Variants in ZSCAN30 observed in about 807,000 individuals in gnomAD.
The protein encoded by ZSCAN30 is zinc finger and SCAN domain containing 30, also known as zinc finger and SCAN domain-containing protein 30.
A neutral mutation model predicts 44.3 loss-of-function variants in ZSCAN30; 37 were observed. That is an observed-to-expected ratio of 0.84 (90% confidence interval 0.64 to 1.10). The LOEUF (loss-of-function observed/expected upper bound fraction) is 1.10, where lower values mean the gene tolerates loss of function less well. Among genes scored for constraint, ZSCAN30 ranks in the 50% least tolerant of loss-of-function variants. ZSCAN30 has a pLI of 0.00. For synonymous variants in ZSCAN30, 181 were observed against 204.6 expected, an observed-to-expected ratio of 0.88 and a Z score of 0.98; for missense variants, 549 against 582.6, an observed-to-expected ratio of 0.94 and a Z score of 0.59.
intron 1 of ZSCAN30, among the ~76,000 whole-genome samples, chr18:35,278,868 C>G (rs1418757831): frequency 6.6e-6 from 1 of 152,210 alleles, no homozygotes; most frequent in African/African-American, 2.4e-5. Flanking sequence ...TGCTTGTTCT[C>G]TAGTTTCTAA....
chr18:35,258,807 T>C (rs1014751366), intron 3 of ZSCAN30: 2 of 134,916 alleles, frequency 1.5e-5, no homozygotes, highest in African/African-American at 5.7e-5. Flanking sequence ...GAGTTGGAGG[T>C]TGTAGTGAGC....
rs893204370 is a variant in ZSCAN30 at position 35,254,580 on chromosome 18, G to A, written c.554-199C>T. The stretch of plus-strand genomic sequence containing the variant: ...CCCCTTGGAGAGTAAGGTAGACAAA[G>A]AAATGAATTAGTATTGGAGAAGAGG... On this transcript the variant is annotated intron_variant, in intron 3 of 3. Coordinates refer to ENST00000333206, the MANE Select transcript of ZSCAN30 (RefSeq NM_001112734.4). 3 of 870,378 alleles carry A rather than the reference G, an allele frequency of 3.4e-6. No homozygotes were observed. The African/African-American group carries it at 5.1e-5, about 15-fold the overall frequency. The allele number at this position is 870,378 out of a possible 1,614,324, so 53.9% of individuals were successfully genotyped here.
intron 1 of ZSCAN30, among the ~76,000 whole-genome samples, chr18:35,273,418 A>G (rs1019305729): frequency 6.6e-6 from 1 of 152,236 alleles, no homozygotes; most frequent in Non-Finnish European, 1.5e-5. Context: ...ACATGTATAC[A>G]CCACATTTTA....
chr18:35,288,793 A>G (rs1224377476), intron 1 of ZSCAN30, among the ~76,000 whole-genome samples: 1 of 152,228 alleles, frequency 6.6e-6, no homozygotes, highest in East Asian at 1.9e-4. Flanking sequence ...GCATTGGGAG[A>G]GAGGCTTACC....
chr18:35,273,983 C>T (rs2143747419), intron 1 of ZSCAN30, among the ~76,000 whole-genome samples: 1 of 152,304 alleles, frequency 6.6e-6, no homozygotes, highest in South Asian at 2.1e-4. Context: ...CAGGAATTTT[C>T]ATGAAAAGTT....
intron 3 of ZSCAN30, chr18:35,255,698 C>A (rs898059496): frequency 3.9e-5 from 6 of 154,346 alleles, no homozygotes; most frequent in African/African-American, 1.4e-4. Context: ...TAAAGCACCA[C>A]AATTGATACC....
chr18:35,263,180 G>T (rs2044063047), intron 3 of ZSCAN30: 1 of 375,290 alleles, frequency 2.7e-6, no homozygotes. Context: ...GTTCAAGGCT[G>T]CTGCAGTGAG....
rs763922197 is a variant in ZSCAN30 at position 35,263,551 on chromosome 18, T to C, written c.515A>G (p.Lys172Arg). 8 of 1,614,096 alleles carry C rather than the reference T, an allele frequency of 5.0e-6. No homozygotes were observed. The highest frequency in any genetic ancestry group is 6.8e-6 in the Non-Finnish European group (8 of 1,180,046). ...AGCCTGGGACTCCTGAGTCTCAGTC[T>C]TGCACTGGTTCTCTAAGGGCTGCAC... ...SPVQPLENQCKTETQESQAFQ... is the reference protein window; with the variant it reads ...SPVQPLENQCRTETQESQAFQ... The change falls in exon 3 of 4, where the codon AAG (lysine) becomes AGG (arginine). Residue 172 changes from lysine (K) to arginine (R), a missense_variant. Physicochemically the swap from Lys to Arg is conservative, Grantham distance 26. Coordinates refer to ENST00000333206, the MANE Select transcript of ZSCAN30 (RefSeq NM_001112734.4).
intron 1 of ZSCAN30, chr18:35,281,156 G>C (rs1359976122): frequency 6.6e-6 from 1 of 152,200 alleles, no homozygotes; most frequent in Non-Finnish European, 1.5e-5. Context: ...CAAGTGAAAT[G>C]AGAAATAGAA....
intron 3 of ZSCAN30, chr18:35,257,405 G>A (rs924366196): frequency 6.5e-6 from 1 of 153,164 alleles, no homozygotes; most frequent in African/African-American, 2.4e-5. Flanking sequence ...CCAAGGTGAT[G>A]GTATTAGGAA....
At chr18:35,267,526 T>C (rs961709467) in intron 1 of ZSCAN30, 1 of 151,886 alleles carries the variant, frequency 6.6e-6, no homozygotes, top group South Asian at 2.1e-4. Flanking sequence ...GCGAGAACAA[T>C]GCCCGGCCGC....
Position 35,266,250 on chromosome 18 carries a change from G to T in ZSCAN30, c.-103-1795C>A, listed in dbSNP as rs371574657. Among the ~76,000 whole-genome samples the T allele has an allele frequency of 1.8e-3, 279 of 152,250 alleles. 2 individuals are homozygous for T. The highest frequency in any genetic ancestry group is 6.5e-3 in the African/African-American group (268 of 41,538). ...GAATGGTGAGAGAGGAGGTCTGAGA[G>T]GTTGAACTACAGAGTTTGCATTGAT... On this transcript the variant is annotated intron_variant, in intron 1 of 3. Coordinates refer to ENST00000333206, the MANE Select transcript of ZSCAN30 (RefSeq NM_001112734.4).
At chr18:35,269,200 A>G (rs1223229350) in intron 1 of ZSCAN30, 1 of 152,256 alleles carries the variant, frequency 6.6e-6, no homozygotes. Flanking sequence ...GCCATTAGCC[A>G]TTTATGGCTA....
chr18:35,263,354 G>T, intron 3 of ZSCAN30, 159 bp downstream of exon 3: 1 of 853,536 alleles, frequency 1.2e-6, no homozygotes, highest in Non-Finnish European at 1.7e-6. Context: ...TGGAATTTCA[G>T]ATTCTAGGCA....
intron 1 of ZSCAN30, among the ~76,000 whole-genome samples, chr18:35,274,461 T>C (rs986598307): frequency 1.3e-5 from 2 of 152,236 alleles, no homozygotes; most frequent in Admixed American, 1.3e-4. Context: ...ACCAGATGAC[T>C]TGCAGTTGGG....
At chr18:35,274,819 G>A (rs2044342810) in intron 1 of ZSCAN30, among the ~76,000 whole-genome samples, 1 of 152,184 alleles carries the variant, frequency 6.6e-6, no homozygotes, top group Non-Finnish European at 1.5e-5. Flanking sequence ...GTCCTTAAGG[G>A]AAGTGTGATC....
chr18:35,264,508 T>A, intron 1 of ZSCAN30, 53 bp from the exon 2 acceptor site: 2 of 806,940 alleles, frequency 2.5e-6, no homozygotes, highest in Non-Finnish European at 3.8e-6. Flanking sequence ...ACTTGGAATA[T>A]AAATACAGGT....
At chr18:35,267,274 C>A in intron 1 of ZSCAN30, 1 of 49,508 alleles carries the variant, frequency 2.0e-5, no homozygotes, top group East Asian at 2.9e-4. Context: ...GAGGAGTCAG[C>A]TGACCAAAAA....
intron 3 of ZSCAN30, chr18:35,258,488 AGAAACT>A (rs1008988872): frequency 3.9e-5 from 6 of 155,736 alleles, no homozygotes; most frequent in African/African-American, 1.4e-4. Flanking sequence ...ATGAATGTGG[AGAAACT>A]GAAGCATGTC....
Sources: allele counts gnomAD v4.1 joint callset (sites outside exome capture counted in the v4.1 genomes callset), GRCh38; gene constraint gnomAD v4.1.1; transcripts MANE v1.5; gene names NCBI Gene and HGNC (gene_info 2026-07-23, HGNC 2026-07-21).